The following PRDM16 variants were observed in gnomAD, a reference collection of about 807,000 sequenced individuals.
The protein encoded by PRDM16 is PR/SET domain 16.
In PRDM16, 23 loss-of-function variants were observed where a neutral mutation model predicts 110.6. The observed-to-expected ratio is 0.21, with a 90% CI of 0.15 to 0.29. PRDM16 has a LOEUF of 0.29. Among genes scored for constraint, PRDM16 ranks in the 10% least tolerant of loss-of-function variants. The pLI is 1.00. For synonymous variants in PRDM16, 799 were observed against 781.8 expected, an observed-to-expected ratio of 1.02 and a Z score of -0.37; for missense variants, 1,615 against 1,794.3, an observed-to-expected ratio of 0.90 and a Z score of 1.81.
At chr1:3,340,595 C>T (rs778579303) in intron 3 of PRDM16, among the ~76,000 whole-genome samples, 4 of 152,188 alleles carry the variant, frequency 2.6e-5, no homozygotes, top group African/African-American at 4.8e-5. Flanking sequence ...GTCCCTTCTA[C>T]GCGTGTCTGT....
intron 1 of PRDM16, among the ~76,000 whole-genome samples, chr1:3,135,003 G>A (rs1376880826): frequency 6.6e-6 from 1 of 152,242 alleles, no homozygotes; most frequent in Non-Finnish European, 1.5e-5. Context: ...GGCCTGGGAG[G>A]CCCTCCTGGT....
intron 3 of PRDM16, among the ~76,000 whole-genome samples, chr1:3,319,038 G>T (rs930001750): frequency 6.6e-6 from 1 of 152,238 alleles, no homozygotes; most frequent in Non-Finnish European, 1.5e-5. Context: ...AGTGAGTCCT[G>T]CTCAGACTGT....
intron 1 of PRDM16, 61 bp from the exon 2 acceptor site, chr1:3,186,064 G>A (rs1644263431): frequency 2.1e-6 from 3 of 1,431,548 alleles, no homozygotes; most frequent in South Asian, 1.2e-5. Context: ...GGCGCTCCCT[G>A]AGCTGTACAC....
chr1:3,070,622 G>C (rs1321007904), intron 1 of PRDM16, among the ~76,000 whole-genome samples: 3 of 130,332 alleles, frequency 2.3e-5, no homozygotes, highest in African/African-American at 8.6e-5. Context: ...CCGCGCCTCC[G>C]GGGCCGGGTC....
chr1:3,405,401 GCCCT>G lies in PRDM16; in HGVS notation c.1033-93_1033-90del. 76 of 1,379,590 alleles carry G rather than the reference GCCCT, an allele frequency of 5.5e-5. No homozygotes were observed. The Admixed American group carries it at 9.0e-4, about 16-fold the overall frequency. The allele number at this position is 1,379,590 out of a possible 1,614,324, so 85.5% of individuals were successfully genotyped here. The stretch of plus-strand genomic sequence containing the variant: ...CAACGTGGCAAGAGAGACAGGCAGG[GCCCT>G]GCCCCCCACAGCCGGTTGGTCCGCC... On this transcript the variant is annotated intron_variant, in intron 7 of 16. Coordinates refer to ENST00000270722, the MANE Select transcript of PRDM16 (RefSeq NM_022114.4).
chr1:3,248,219 C>T (rs1292437402), intron 3 of PRDM16, among the ~76,000 whole-genome samples: 1 of 152,098 alleles, frequency 6.6e-6, no homozygotes, highest in Non-Finnish European at 1.5e-5. Context: ...AGAGTGTAGT[C>T]CACCCGGGAG....
intron 1 of PRDM16, among the ~76,000 whole-genome samples, chr1:3,101,003 C>T (rs1570249680): frequency 2.0e-5 from 3 of 151,828 alleles, no homozygotes; most frequent in African/African-American, 7.3e-5. Context: ...GGTGGGTGTC[C>T]GGCTGAGGAC....
rs181753818 is a variant in PRDM16, at chr1:3,359,763, G to A, written c.439-25389G>A. 3.9e-5 allele frequency among the ~76,000 whole-genome samples: 6 copies of A among 152,310 alleles called. No homozygotes were observed. The highest frequency in any genetic ancestry group is 2.1e-4 in the South Asian group (1 of 4,826). On this transcript the variant is annotated intron_variant, in intron 3 of 16. Coordinates refer to ENST00000270722, the MANE Select transcript of PRDM16 (RefSeq NM_022114.4). This position sits in a 1 kb window ranked among gnomAD's most constrained non-coding sequence, Gnocchi z 4.3. ...GAACGCACTGGGTTGATCCCTCAGC[G>A]GCAGCCAGAAGGCAAGGCGGGAAAA...
intron 1 of PRDM16, among the ~76,000 whole-genome samples, chr1:3,087,745 G>GGAAA (rs1388302859): frequency 1.3e-5 from 2 of 152,062 alleles, no homozygotes; most frequent in Non-Finnish European, 2.9e-5. Context: ...ATCACGTCTT[G>GGAAA]GTTGTGTCTG....
chr1:3,282,931 G>C (rs933555310), intron 3 of PRDM16, among the ~76,000 whole-genome samples: 1 of 152,216 alleles, frequency 6.6e-6, no homozygotes, highest in African/African-American at 2.4e-5. Flanking sequence ...GTATTAGGGC[G>C]GTTAGAGGAG....
At position 3,296,385 on chromosome 1, in the gene PRDM16, A is replaced by G. The variant is rs141290989; in HGVS notation, c.438+52248A>G. Among the ~76,000 whole-genome samples, 895 of 152,306 alleles carry G rather than the reference A, an allele frequency of 5.9e-3. 9 individuals carry two copies. Among genetic ancestry groups the G allele is most frequent in the African/African-American group, 0.019 (801 of 41,564 alleles). ...TAAACCCGTCCATTCTCCTGCAAAC[A>G]CTTCTCCTTCCTCCACTCTGTGCGG... On this transcript the variant is annotated intron_variant, in intron 3 of 16. Transcript: ENST00000270722.
At chr1:3,291,183 C>T (rs376759730) in intron 3 of PRDM16, among the ~76,000 whole-genome samples, 1 of 152,126 alleles carries the variant, frequency 6.6e-6, no homozygotes, top group Non-Finnish European at 1.5e-5. Context: ...GCCCACACGG[C>T]CTCTCTCGGG....
At chr1:3,185,996 G>A in intron 1 of PRDM16, 129 bp from the exon 2 acceptor site, 1 of 730,412 alleles carries the variant, frequency 1.4e-6, no homozygotes, top group Non-Finnish European at 2.4e-6. Context: ...GGCAGGGGTG[G>A]CAGCCGGGCC....
chr1:3,361,603 T>C (rs1005701337), intron 3 of PRDM16, among the ~76,000 whole-genome samples: 18 of 152,132 alleles, frequency 1.2e-4, no homozygotes. Context: ...AACTGTGAGC[T>C]CCTCGGATCG....
intron 10 of PRDM16, among the ~76,000 whole-genome samples, chr1:3,415,742 G>A (rs937105968): frequency 5.9e-5 from 9 of 152,214 alleles, no homozygotes; most frequent in South Asian, 2.1e-4. Context: ...CTGCCCCCAC[G>A]GGCCTGCCAC....
rs1177073172 is a variant in PRDM16 at position 3,244,837 on chromosome 1, T to A, written c.438+700T>A. On this transcript the variant is annotated intron_variant, in intron 3 of 16. Coordinates refer to ENST00000270722, the MANE Select transcript of PRDM16 (RefSeq NM_022114.4). This position sits in a 1 kb window ranked among gnomAD's most constrained non-coding sequence, Gnocchi z 4.1. ...GAAAGCAGCTCCGAAACCTAGAACC[T>A]GTTCAGCAGCCAGAACTCCTCTTCG... Among the ~76,000 whole-genome samples, 1 of 152,134 alleles carries A rather than the reference T, an allele frequency of 6.6e-6. No homozygotes were observed. The highest frequency in any genetic ancestry group is 1.5e-5 in the Non-Finnish European group (1 of 68,018).
chr1:3,121,222 G>C (rs1340857708), intron 1 of PRDM16, among the ~76,000 whole-genome samples: 1 of 152,160 alleles, frequency 6.6e-6, no homozygotes, highest in South Asian at 2.1e-4. Context: ...TGGTCAGGAC[G>C]GAGCCTGCCC....
intron 3 of PRDM16, among the ~76,000 whole-genome samples, chr1:3,291,824 T>C (rs746085705): frequency 5.9e-5 from 9 of 152,200 alleles, no homozygotes; most frequent in Non-Finnish European, 1.3e-4. Context: ...GGGTTGGACA[T>C]AGCAGGTGAA....
chr1:3,200,205 G>A (rs1199558956), intron 2 of PRDM16, among the ~76,000 whole-genome samples: 1 of 141,086 alleles, frequency 7.1e-6, no homozygotes, highest in Non-Finnish European at 1.6e-5. Context: ...CAAGGGCCTG[G>A]GGAGAGGGGC....
Sources: gnomAD v4.1 joint callset for allele counts (sites outside exome capture counted in the v4.1 genomes callset) on GRCh38, gnomAD v4.1.1 for gene constraint, Gnocchi (gnomAD v3.1) non-coding constraint, MANE v1.5 for transcripts, NCBI Gene and HGNC (gene_info 2026-07-23, HGNC 2026-07-21) for gene names.